CMBL: variants seen among roughly 807,000 people sequenced by gnomAD.
CMBL encodes the protein carboxymethylenebutenolidase homolog.
Under a neutral mutation model 28.7 loss-of-function variants are expected in CMBL, and 17 were observed. That is an observed-to-expected ratio of 0.59 (90% CI 0.41 to 0.89). CMBL has a LOEUF of 0.89. CMBL is among the 40% of genes least tolerant of loss of function. The probability of loss-of-function intolerance (pLI) is 0.00; values close to 1 mark genes in which losing one functional copy is unlikely to be tolerated. For synonymous variants in CMBL, 106 were observed against 101.6 expected (o/e 1.04, Z -0.26); for missense variants, 310 against 298.5 (o/e 1.04, Z -0.28).
intron 1 of CMBL, among the ~76,000 whole-genome samples, chr5:10,299,388 T>G (rs1453461549): frequency 6.6e-6 from 1 of 152,168 alleles, no homozygotes; most frequent in Non-Finnish European, 1.5e-5. Context: ...TCTTGCAGAT[T>G]GGCAAAAGTC....
intron 1 of CMBL, among the ~76,000 whole-genome samples, chr5:10,292,456 C>T (rs191736547): frequency 1.3e-5 from 2 of 152,266 alleles, no homozygotes; most frequent in Non-Finnish European, 2.9e-5. Context: ...AAGCAATCAT[C>T]CCACCTCACA....
Position 10,289,910 on chromosome 5 carries a change from T to G in CMBL, c.215+638A>C, listed in dbSNP as rs966308031. 2.0e-5 allele frequency among the ~76,000 whole-genome samples: 3 copies of G among 152,192 alleles called. No individual in the cohort carries two copies. The highest frequency in any genetic ancestry group is 7.2e-5 in the African/African-American group (3 of 41,454). Reference sequence around the variant, plus strand: ...TGCACCATCCTCAGGGCTCACTGGGTTGATGCTTTCCGACGCTGGAGAGGA... The same window carrying G: ...TGCACCATCCTCAGGGCTCACTGGGGTGATGCTTTCCGACGCTGGAGAGGA... On this transcript the variant is annotated intron_variant, in intron 2 of 5. Coordinates refer to ENST00000296658, the MANE Select transcript of CMBL (RefSeq NM_138809.4). The surrounding 1 kb of genome is among the most constrained non-coding windows in gnomAD (Gnocchi z 4.3).
At chr5:10,294,467 G>A (rs1260806634) in intron 1 of CMBL, among the ~76,000 whole-genome samples, 1 of 152,178 alleles carries the variant, frequency 6.6e-6, no homozygotes, top group Non-Finnish European at 1.5e-5. Flanking sequence ...AGGAGGCTGA[G>A]GTAGGGGGAT....
chr5:10,278,044 G>A lies in CMBL; in HGVS notation c.*2409C>T, dbSNP rs1465608431. On this transcript the variant is annotated 3_prime_UTR_variant, in exon 6 of 6. Transcript: ENST00000296658. The stretch of plus-strand genomic sequence containing the variant: ...GCAGCCCTCAGCAGGCAAGGGCTTT[G>A]GCCTGTTGGGGTCCACAACTAAGTG... Among the ~76,000 whole-genome samples the A allele has an allele frequency of 6.6e-6, 1 of 152,060 alleles. No homozygotes were observed. The highest frequency in any genetic ancestry group is 1.5e-5 in the Non-Finnish European group (1 of 68,010).
At chr5:10,284,601 T>TA (rs368851939) in intron 4 of CMBL, among the ~76,000 whole-genome samples, 26 of 152,364 alleles carry the variant, frequency 1.7e-4, no homozygotes, top group African/African-American at 6.0e-4. Context: ...GACTTTATTA[T>TA]AAAATAGGCC....
intron 4 of CMBL, among the ~76,000 whole-genome samples, chr5:10,283,916 C>A (rs905510723): frequency 1.3e-5 from 2 of 152,228 alleles, no homozygotes; most frequent in African/African-American, 4.8e-5. Flanking sequence ...AAAAGATTTG[C>A]AGCAAGTTAA....
chr5:10,286,046 C>T, intron 4 of CMBL: 1 of 255,894 alleles, frequency 3.9e-6, no homozygotes. Flanking sequence ...TATTGATCAT[C>T]ATTACATTAA....
intron 4 of CMBL, among the ~76,000 whole-genome samples, chr5:10,284,102 G>C (rs998205948): frequency 1.3e-5 from 2 of 152,192 alleles, no homozygotes; most frequent in Admixed American, 6.5e-5. Flanking sequence ...ACTTCATGTG[G>C]ATGGGCCTCT....
In CMBL at chr5:10,290,736, C is replaced by T. The variant is rs771628700; in HGVS notation, c.27G>A (p.Pro9=). The change falls in exon 2 of 6, where the codon CCG becomes CCA. Residue 9 remains proline, a synonymous_variant. Coordinates refer to ENST00000296658, the MANE Select transcript of CMBL (RefSeq NM_138809.4). The part of the protein sequence containing the change: MANEAYPC[P]CDIGHRLEYG... Reference sequence around the variant, plus strand: ...ACTCAAGTCTGTGGCCAATGTCACACGGACAAGGATAAGCTTCGTTAGCCA... The same window carrying T: ...ACTCAAGTCTGTGGCCAATGTCACATGGACAAGGATAAGCTTCGTTAGCCA... The T allele has an allele frequency of 2.8e-5, 45 of 1,613,972 alleles. No individual in the cohort carries two copies. Among genetic ancestry groups the T allele is most frequent in the South Asian group, 6.6e-5 (6 of 91,086 alleles).
intron 2 of CMBL, among the ~76,000 whole-genome samples, chr5:10,290,116 G>A (rs946990700): frequency 3.3e-5 from 5 of 152,226 alleles, no homozygotes; most frequent in African/African-American, 7.2e-5. Context: ...GGCCACGACC[G>A]TACGTGTATG....
intron 4 of CMBL, among the ~76,000 whole-genome samples, 169 bp from the exon 5 acceptor site, chr5:10,282,457 C>A (rs1240345349): frequency 6.6e-6 from 1 of 152,066 alleles, no homozygotes; most frequent in Non-Finnish European, 1.5e-5. Flanking sequence ...CTTTTTTAGC[C>A]ATTCCACAGA....
At chr5:10,300,189 A>T (rs191747995) in intron 1 of CMBL, among the ~76,000 whole-genome samples, 9 of 152,324 alleles carry the variant, frequency 5.9e-5, no homozygotes. Context: ...CAAAGACACA[A>T]CAGACGCACA....
At position 10,284,658 on chromosome 5, in the gene CMBL, G is replaced by A. The variant is rs149685606; in HGVS notation, c.466+1696C>T. On this transcript the variant is annotated intron_variant, in intron 4 of 5. Transcript: ENST00000296658. ...AACTGTAGCCTGATGCAGGTGTTTCGGGTCGGCCAGGTGAGGCTATGATGC... is the reference window on the plus strand; with the variant it reads ...AACTGTAGCCTGATGCAGGTGTTTCAGGTCGGCCAGGTGAGGCTATGATGC... 1.2e-3 allele frequency among the ~76,000 whole-genome samples: 189 copies of A among 152,320 alleles called. 1 individual carries two copies. The highest frequency in any genetic ancestry group is 2.1e-3 in the Non-Finnish European group (142 of 68,034).
intron 3 of CMBL, 118 bp from the exon 4 acceptor site, chr5:10,286,614 T>C (rs1746609429): frequency 1.1e-6 from 1 of 885,944 alleles, no homozygotes. Context: ...CAAGGTTTCT[T>C]CTTTTGGGAG....
chr5:10,282,082 C>G, intron 5 of CMBL, 115 bp downstream of exon 5: 1 of 698,176 alleles, frequency 1.4e-6, no homozygotes, highest in Non-Finnish European at 2.5e-6. Flanking sequence ...ATGGCTTGAA[C>G]CTGGGAGGTG....
At chr5:10,297,873 G>A (rs1746836452) in intron 1 of CMBL, among the ~76,000 whole-genome samples, 1 of 152,194 alleles carries the variant, frequency 6.6e-6, no homozygotes, top group Non-Finnish European at 1.5e-5. Flanking sequence ...TGGGTGTGGG[G>A]CGGGAGAGTG....
At position 10,283,041 on chromosome 5, in the gene CMBL, G is replaced by A. The variant is rs914635060; in HGVS notation, c.467-753C>T. ...GGAGGTGGAGGTTGCAGTGAGCCAA[G>A]ATCATGCCATTGCACTCCAGCTCTG... On this transcript the variant is annotated intron_variant, in intron 4 of 5. Coordinates refer to ENST00000296658, the MANE Select transcript of CMBL (RefSeq NM_138809.4). Among the ~76,000 whole-genome samples the A allele has an allele frequency of 3.4e-5, 5 of 145,048 alleles. No homozygotes were observed. The Admixed American group carries it at 3.6e-4, about 10-fold the overall frequency.
intron 1 of CMBL, among the ~76,000 whole-genome samples, chr5:10,295,531 T>C (rs1746794535): frequency 6.6e-6 from 1 of 152,248 alleles, no homozygotes; most frequent in African/African-American, 2.4e-5. Flanking sequence ...GAAACCCTAA[T>C]TCCAGTGGAA....
rs949553967 is a variant in CMBL at position 10,277,880 on chromosome 5, G to A, written c.*2573C>T. Among the ~76,000 whole-genome samples, 8 of 152,312 alleles carry A rather than the reference G, an allele frequency of 5.3e-5. No homozygotes were observed. In the East Asian group the frequency reaches 5.8e-4, roughly 11 times the overall value. On this transcript the variant is annotated 3_prime_UTR_variant, in exon 6 of 6. Transcript: ENST00000296658. ...ACAGCCACACCCTTGGTTCATTCTC[G>A]CACGAATTTCAGACCTCCCACCTAT...
Sources: allele counts gnomAD v4.1 joint callset (sites outside exome capture counted in the v4.1 genomes callset), GRCh38; gene constraint gnomAD v4.1.1; non-coding constraint Gnocchi (gnomAD v3.1); transcripts MANE v1.5; gene names NCBI Gene and HGNC (gene_info 2026-07-23, HGNC 2026-07-21).